The following CLIC5 variants were observed in gnomAD, a reference collection of about 807,000 sequenced individuals.
The protein encoded by CLIC5 is chloride intracellular channel protein 5.
CLIC5 carries 20 observed loss-of-function variants against 24.7 expected under a neutral mutation model. The ratio of observed to expected loss-of-function variants is 0.81; its 90% CI spans 0.57 to 1.18. CLIC5 has a LOEUF of 1.18. CLIC5 is among the 50% of genes most tolerant of loss of function. CLIC5 has a pLI of 0.00. For missense variants in CLIC5, 341 were observed against 326.1 expected, an observed-to-expected ratio of 1.05 and a Z score of -0.35; for synonymous variants, 159 against 135.6, an observed-to-expected ratio of 1.17 and a Z score of -1.20.
chr6:46,088,149 C>G, the CLIC5 span, among the ~76,000 whole-genome samples: 1 of 137,066 alleles, frequency 7.3e-6, no homozygotes, highest in African/African-American at 2.7e-5. Context: ...AGCGTACTCT[C>G]TCGCTCTCTT....
intron 1 of CLIC5, among the ~76,000 whole-genome samples, chr6:45,963,052 C>A (rs1359447494): frequency 6.6e-6 from 1 of 152,194 alleles, no homozygotes; most frequent in Non-Finnish European, 1.5e-5. Flanking sequence ...GGCTTCTTTT[C>A]TATTATTTCA....
At chr6:46,067,587 TG>T (rs1297426553) in intron 1 of CLIC5, among the ~76,000 whole-genome samples, 1 of 152,190 alleles carries the variant, frequency 6.6e-6, no homozygotes, top group East Asian at 1.9e-4. Context: ...GGCTGCTCCT[TG>T]CAGTGTCTAA....
chr6:45,983,745 G>C (rs1765639914), intron 1 of CLIC5, among the ~76,000 whole-genome samples: 1 of 152,136 alleles, frequency 6.6e-6, no homozygotes, highest in African/African-American at 2.4e-5. Context: ...TCCTCACCTG[G>C]TAAGGGCTAA....
At chr6:46,087,094 C>T in the CLIC5 span, among the ~76,000 whole-genome samples, 3 of 152,310 alleles carry the variant, frequency 2.0e-5, no homozygotes, top group Non-Finnish European at 4.4e-5. Context: ...TTTCACCATA[C>T]TTTCTTGCTT....
At chr6:45,882,445 G>A (rs1046338134) in intron 6 of CLIC5, among the ~76,000 whole-genome samples, 1 of 152,244 alleles carries the variant, frequency 6.6e-6, no homozygotes, top group African/African-American at 2.4e-5. Flanking sequence ...GTGGCCCTTG[G>A]CAGAACTTCC....
At chr6:45,960,051 A>G (rs556028054) in intron 1 of CLIC5, among the ~76,000 whole-genome samples, 1 of 152,292 alleles carries the variant, frequency 6.6e-6, no homozygotes, top group South Asian at 2.1e-4. Context: ...ATATTGATAT[A>G]ACTCTAAAAA....
At chr6:46,052,725 A>T (rs1288813148) in intron 1 of CLIC5, among the ~76,000 whole-genome samples, 1 of 152,048 alleles carries the variant, frequency 6.6e-6, no homozygotes, top group Non-Finnish European at 1.5e-5. Context: ...AGCTCTGTGC[A>T]GTGCACTGGG....
At position 45,887,042 on chromosome 6, in the gene CLIC5, C is replaced by T. The variant is rs114865253; in HGVS notation, c.624-5854G>A. Among the ~76,000 whole-genome samples, 13 of 152,270 alleles carry T rather than the reference C, an allele frequency of 8.5e-5. No individual in the cohort carries two copies. The East Asian group carries it at 9.7e-4, about 11-fold the overall frequency. ...CAGAATGCTAAAATCCCACCTTTGA[C>T]GCAGCAGACAGTCTCTCTGATGATA... is the stretch of plus-strand genomic sequence containing the variant. On this transcript the variant is annotated intron_variant, in intron 6 of 6. Transcript: ENST00000644324.
At chr6:46,039,775 A>G (rs557627682) in intron 1 of CLIC5, among the ~76,000 whole-genome samples, 1 of 152,338 alleles carries the variant, frequency 6.6e-6, no homozygotes, top group South Asian at 2.1e-4. Flanking sequence ...TTTTCTTCAA[A>G]ATGAGATCAT....
intron 1 of CLIC5, chr6:46,014,756 A>C (rs1216493670): frequency 2.0e-5 from 3 of 152,244 alleles, no homozygotes; most frequent in Admixed American, 1.3e-4. Context: ...GACATTAGGC[A>C]GTTTCTGTCC....
upstream of CLIC5, among the ~76,000 whole-genome samples, chr6:46,020,414 T>C (rs9395146): frequency 4.6e-5 from 7 of 152,254 alleles, no homozygotes; most frequent in East Asian, 1.3e-3. Flanking sequence ...ATTTGTGAGA[T>C]GCAGCTAAAG....
chr6:45,942,438 T>C (rs1318811036), intron 3 of CLIC5, among the ~76,000 whole-genome samples: 1 of 152,148 alleles, frequency 6.6e-6, no homozygotes, highest in Non-Finnish European at 1.5e-5. Context: ...CTTGGACTCA[T>C]TAGCCCCATC....
rs555368314 is a variant in CLIC5 at position 45,954,655 on chromosome 6, G to A, written c.173+480C>T. On this transcript the variant is annotated intron_variant, in intron 2 of 5. Coordinates refer to ENST00000339561, the MANE Select transcript of CLIC5 (RefSeq NM_016929.5). ...ACTGCACTCTAAAAACAGAACAGTA[G>A]TTGCTTTTCGTCCAAGCCTGTAATC... 5.3e-5 allele frequency among the ~76,000 whole-genome samples: 8 copies of A among 152,272 alleles called. No homozygotes were observed. In the South Asian group the frequency reaches 1.7e-3, roughly 32 times the overall value.
intron 1 of CLIC5, among the ~76,000 whole-genome samples, chr6:45,974,514 TATATATATAGAGAG>T (rs747549897): frequency 3.0e-4 from 28 of 92,606 alleles, no homozygotes; most frequent in South Asian, 2.5e-3. Context: ...TATATATATA[TATATATATAGAGAG>T]AGAGAGAGAG....
rs566784733 is a variant in CLIC5 at position 46,034,544 on chromosome 6, G to A, written c.540+45159C>T. ...TTGAGCCCAGGAGTTCAAGTCTGCAGTGAGCTATGATTGCACCATTGCACT... is the reference window on the plus strand; with the variant it reads ...TTGAGCCCAGGAGTTCAAGTCTGCAATGAGCTATGATTGCACCATTGCACT... On this transcript the variant is annotated intron_variant, in intron 1 of 5. Coordinates refer to the CLIC5 transcript ENST00000185206. Among the ~76,000 whole-genome samples, 14 of 152,326 alleles carry A rather than the reference G, an allele frequency of 9.2e-5. 1 individual carries two copies. The South Asian group carries it at 2.7e-3, about 29-fold the overall frequency.
intron 5 of CLIC5, among the ~76,000 whole-genome samples, chr6:45,907,142 A>C (rs112488044): frequency 1.6e-4 from 25 of 152,110 alleles, no homozygotes; most frequent in Non-Finnish European, 8.8e-5. Flanking sequence ...CCATTCAGTA[A>C]GATGTTGGCT....
intron 1 of CLIC5, among the ~76,000 whole-genome samples, chr6:45,981,732 C>T (rs1361583298): frequency 1.3e-5 from 2 of 152,104 alleles, no homozygotes; most frequent in Non-Finnish European, 2.9e-5. Context: ...AGGCCAGGTG[C>T]GGTGGCTCAT....
At chr6:45,974,505 A>G (rs1344339499) in intron 1 of CLIC5, among the ~76,000 whole-genome samples, 1 of 87,516 alleles carries the variant, frequency 1.1e-5, no homozygotes, top group South Asian at 5.5e-4. Flanking sequence ...GTGTATATAT[A>G]TATATATATA....
chr6:46,116,805 G>T, the CLIC5 span, among the ~76,000 whole-genome samples: 1 of 152,180 alleles, frequency 6.6e-6, no homozygotes, highest in Non-Finnish European at 1.5e-5. Context: ...GGTGAAGTCA[G>T]CAGCTGATGG....
Sources: allele counts gnomAD v4.1 joint callset (sites outside exome capture counted in the v4.1 genomes callset), GRCh38; gene constraint gnomAD v4.1.1; transcripts MANE v1.5; gene names NCBI Gene and HGNC (gene_info 2026-07-23, HGNC 2026-07-21).